The following CFAP299 variants were observed in gnomAD, a reference collection of about 807,000 sequenced individuals.
The protein encoded by CFAP299 is cilia and flagella associated protein 299.
CFAP299 carries 21 observed loss-of-function variants against 27.0 expected under a neutral mutation model. That is an observed-to-expected ratio of 0.78 (90% confidence interval 0.55 to 1.12). The LOEUF is 1.12. Among genes scored for constraint, CFAP299 ranks in the 50% most tolerant of loss-of-function variants. CFAP299 has a pLI of 0.00. For missense variants in CFAP299, 310 were observed against 276.6 expected, an observed-to-expected ratio of 1.12 and a Z score of -0.86; for synonymous variants, 104 against 98.1, an observed-to-expected ratio of 1.06 and a Z score of -0.36.
At chr4:80,571,452 A>G (rs1276530544) in intron 2 of CFAP299, among the ~76,000 whole-genome samples, 3 of 152,076 alleles carry the variant, frequency 2.0e-5, no homozygotes, top group South Asian at 2.1e-4. Flanking sequence ...TTTAGCTCAC[A>G]TGATGAAAAA....
chr4:80,375,822 C>T (rs1226837138), intron 2 of CFAP299, among the ~76,000 whole-genome samples: 2 of 152,100 alleles, frequency 1.3e-5, no homozygotes, highest in Non-Finnish European at 2.9e-5. Flanking sequence ...GTGTGGGCCA[C>T]CCAGAAAACA....
chr4:80,855,291 A>C (rs1441032121), intron 3 of CFAP299, among the ~76,000 whole-genome samples: 2 of 152,116 alleles, frequency 1.3e-5, no homozygotes, highest in Non-Finnish European at 2.9e-5. Context: ...CACTGTACCA[A>C]TGATATATGA....
chr4:80,891,244 G>A, intron 4 of CFAP299, among the ~76,000 whole-genome samples: 1 of 149,618 alleles, frequency 6.7e-6, no homozygotes, highest in African/African-American at 2.5e-5. Context: ...TGTATAAGGT[G>A]TAAGGAAGGG....
At chr4:80,871,296 C>T (rs1421069958) in intron 4 of CFAP299, 18 of 985,286 alleles carry the variant, frequency 1.8e-5, no homozygotes, top group Non-Finnish European at 2.0e-5. Flanking sequence ...TGCCCATTGC[C>T]CATGTCTTTT....
At chr4:80,591,105 A>ATTTTTTTTTTTTT (rs70944795) in intron 3 of CFAP299, among the ~76,000 whole-genome samples, 4 of 126,882 alleles carry the variant, frequency 3.2e-5, no homozygotes, top group African/African-American at 6.1e-5. Flanking sequence ...ACTTTAGGAA[A>ATTTTTTTTTTTTT]TTTTTTTTTT....
the CFAP299 span, among the ~76,000 whole-genome samples, chr4:80,329,208 C>CACACAT: frequency 5.9e-5 from 8 of 136,038 alleles, no homozygotes; most frequent in South Asian, 2.4e-4. Context: ...ACACTGTATA[C>CACACAT]ATATATATAT....
chr4:80,398,446 G>A (rs1222035374), intron 2 of CFAP299, among the ~76,000 whole-genome samples: 1 of 152,100 alleles, frequency 6.6e-6, no homozygotes, highest in Non-Finnish European at 1.5e-5. Flanking sequence ...TATACTACAA[G>A]GCTATACAGT....
chr4:80,403,992 A>G (rs1726290548), intron 2 of CFAP299, among the ~76,000 whole-genome samples: 1 of 152,190 alleles, frequency 6.6e-6, no homozygotes, highest in South Asian at 2.1e-4. Context: ...AGAATTGACA[A>G]TGGGGTCCTA....
chr4:80,960,412 C>T (rs1045235590), intron 5 of CFAP299, among the ~76,000 whole-genome samples: 5 of 151,790 alleles, frequency 3.3e-5, no homozygotes, highest in African/African-American at 1.2e-4. Flanking sequence ...GAAGCAGTAA[C>T]TATTTTTAAA....
At chr4:80,690,612 C>T (rs1720601632) in intron 3 of CFAP299, among the ~76,000 whole-genome samples, 1 of 151,864 alleles carries the variant, frequency 6.6e-6, no homozygotes, top group African/African-American at 2.4e-5. Flanking sequence ...AAATTGACAC[C>T]CTAACATCAC....
At chr4:80,647,458 T>C (rs999981724) in intron 3 of CFAP299, among the ~76,000 whole-genome samples, 1 of 152,030 alleles carries the variant, frequency 6.6e-6, no homozygotes, top group Non-Finnish European at 1.5e-5. Context: ...AGATGTGGAG[T>C]CCAAATATTG....
At position 80,394,939 on chromosome 4, in the gene CFAP299, A is replaced by AT. The variant is rs199898491; in HGVS notation, c.242+32063dup. ...TTGTGATACCACAAAACTTTACAACATTTTTTTTCTATTTCTGTGAAAATT... is the reference window on the plus strand; with the variant it reads ...TTGTGATACCACAAAACTTTACAACATTTTTTTTTCTATTTCTGTGAAAATT... On this transcript the variant is annotated intron_variant, in intron 2 of 5. Transcript: ENST00000358105. Among the ~76,000 whole-genome samples, 1,407 of 151,758 alleles carry AT rather than the reference A, an allele frequency of 9.3e-3. 27 individuals carry two copies. The highest frequency in any genetic ancestry group is 0.032 in the African/African-American group (1,326 of 41,406).
At chr4:80,875,605 G>A (rs565173161) in intron 4 of CFAP299, among the ~76,000 whole-genome samples, 34 of 151,334 alleles carry the variant, frequency 2.2e-4, no homozygotes, top group African/African-American at 7.8e-4. Flanking sequence ...CGGAGGTTGC[G>A]GTGAGCCAAG....
chr4:80,928,230 A>G (rs914885774), intron 4 of CFAP299, among the ~76,000 whole-genome samples: 9 of 152,102 alleles, frequency 5.9e-5, no homozygotes, highest in African/African-American at 2.2e-4. Flanking sequence ...TCACACATTC[A>G]GAGCCATTTC....
chr4:80,853,092 A>G (rs2110149804), intron 3 of CFAP299, among the ~76,000 whole-genome samples: 1 of 152,198 alleles, frequency 6.6e-6, no homozygotes, highest in Non-Finnish European at 1.5e-5. Context: ...GTGCAGTGGC[A>G]TGATCTTGGC....
At chr4:80,355,573 G>A (rs1406776489) in intron 1 of CFAP299, among the ~76,000 whole-genome samples, 2 of 151,976 alleles carry the variant, frequency 1.3e-5, no homozygotes, top group African/African-American at 4.8e-5. Flanking sequence ...GGACAGGCTG[G>A]TCTCGAACTT....
chr4:80,735,356 C>T (rs559545349), intron 3 of CFAP299, among the ~76,000 whole-genome samples: 1 of 152,086 alleles, frequency 6.6e-6, no homozygotes, highest in East Asian at 1.9e-4. Context: ...TTAGGATTTT[C>T]AAAATGTGAG....
At position 80,951,076 on chromosome 4, in the gene CFAP299, G is replaced by A. The variant is rs573789538; in HGVS notation, c.606+6137G>A. ...GCTAAACTTCATTGGTGTGATTTTAGAATTCAAAAGAAAATCAATTATATT... is the reference window on the plus strand; with the variant it reads ...GCTAAACTTCATTGGTGTGATTTTAAAATTCAAAAGAAAATCAATTATATT... On this transcript the variant is annotated intron_variant, in intron 5 of 5. Transcript: ENST00000358105. Among the ~76,000 whole-genome samples, 300 of 152,224 alleles carry A rather than the reference G, an allele frequency of 2.0e-3. 3 individuals are homozygous for A. Among genetic ancestry groups the A allele is most frequent in the Non-Finnish European group, 3.6e-3 (246 of 68,008 alleles).
rs116826952 is a variant in CFAP299, at chr4:80,388,931, G to A, written c.242+26047G>A. ...ATTAATAGTGTACCTTCCTTGTGTC[G>A]TTTTTTATTTTAAAGGGATAATGTC... On this transcript the variant is annotated intron_variant, in intron 2 of 5. Transcript: ENST00000358105. Among the ~76,000 whole-genome samples, 526 of 152,034 alleles carry A rather than the reference G, an allele frequency of 3.5e-3. 1 individual carries two copies. Among genetic ancestry groups the A allele is most frequent in the African/African-American group, 0.012 (494 of 41,462 alleles).
Sources: allele counts gnomAD v4.1 joint callset (sites outside exome capture counted in the v4.1 genomes callset), GRCh38; gene constraint gnomAD v4.1.1; transcripts MANE v1.5; gene names NCBI Gene and HGNC (gene_info 2026-07-23, HGNC 2026-07-21).